CHL1: variants seen among roughly 807,000 people sequenced by gnomAD.
CHL1 encodes neural cell adhesion molecule L1-like protein.
A neutral mutation model predicts 141.9 loss-of-function variants in CHL1; 96 were observed. The ratio of observed to expected loss-of-function variants is 0.68; its 90% CI spans 0.57 to 0.80. CHL1 has a LOEUF of 0.80. CHL1 is among the 30% of genes least tolerant of loss of function. The probability of loss-of-function intolerance (pLI) is 0.00; values close to 1 mark genes in which losing one functional copy is unlikely to be tolerated. For missense variants in CHL1, 1,820 were observed against 1,457.2 expected (o/e 1.25, Z -4.05); for synonymous variants, 613 against 502.2 (o/e 1.22, Z -2.95).
At chr3:226,492 G>A (rs540874534) in intron 1 of CHL1, among the ~76,000 whole-genome samples, 63 of 150,026 alleles carry the variant, frequency 4.2e-4, no homozygotes, top group African/African-American at 1.5e-3. Context: ...CCCAGGCTGG[G>A]GTGCAATGGC....
chr3:366,227 T>G, intron 15 of CHL1, 112 bp downstream of exon 15: 1 of 1,008,318 alleles, frequency 9.9e-7, no homozygotes, highest in Admixed American at 2.3e-5. Flanking sequence ...TCCCAGCACT[T>G]TGGGAGACCG....
chr3:289,931 C>CTT (rs769872997), intron 2 of CHL1, among the ~76,000 whole-genome samples: 15,830 of 102,674 alleles, frequency 0.15, 2,680 homozygotes, highest in African/African-American at 0.35. Flanking sequence ...CCACTGGTAT[C>CTT]TTTTTTTTTT....
rs546299124 is a variant in CHL1, at chr3:209,572, G to C, written c.-175+12509G>C. On this transcript the variant is annotated intron_variant, in intron 1 of 27. Coordinates refer to ENST00000256509, the MANE Select transcript of CHL1 (RefSeq NM_006614.4). ...TTAACAGAACCCTAATCTTTTTTTT[G>C]TCATTATTATACTTCAAGTTTTAGG... 1.4e-3 allele frequency among the ~76,000 whole-genome samples: 215 copies of C among 151,588 alleles called. 1 individual carries two copies. Among genetic ancestry groups the C allele is most frequent in the African/African-American group, 4.8e-3 (199 of 41,364 alleles).
Position 252,361 on chromosome 3 carries a change from GATATATATATATATATATATAT to G in CHL1, c.-95+7688_-95+7709del, listed in dbSNP as rs71058760. On this transcript the variant is annotated intron_variant, in intron 2 of 27. Coordinates refer to ENST00000256509, the MANE Select transcript of CHL1 (RefSeq NM_006614.4). ...AGCCACAGATTTAAGAAAGCATCCA[GATATATATATATATATATATAT>G]ATATATATATATATATATTTCTATT... is the stretch of plus-strand genomic sequence containing the variant. 1.5e-3 allele frequency among the ~76,000 whole-genome samples: 82 copies of G among 54,294 alleles called. 1 individual carries two copies. The highest frequency in any genetic ancestry group is 2.2e-3 in the Non-Finnish European group (66 of 30,644). The allele number at this position is 54,294 out of a possible 152,430, so 35.6% of individuals were successfully genotyped here.
intron 2 of CHL1, among the ~76,000 whole-genome samples, chr3:314,213 A>C (rs1451790481): frequency 6.6e-6 from 1 of 151,314 alleles, no homozygotes; most frequent in Non-Finnish European, 1.5e-5. Flanking sequence ...CCAAAGACTG[A>C]ATAAACATTA....
chr3:333,133 A>ATTTTTTTTTTTTTTTTTTTTTTTTT (rs58730049), intron 5 of CHL1, among the ~76,000 whole-genome samples: 1 of 99,478 alleles, frequency 1.0e-5, no homozygotes, highest in Non-Finnish European at 1.9e-5. Flanking sequence ...TATTTTTTTT[A>ATTTTTTTTTTTTTTTTTTTTTTTTT]TTTTTTTTTT....
rs146408628 is a variant in CHL1, at chr3:340,864, A to T, written c.456A>T (p.Pro152=). 35 of 1,612,560 alleles carry T rather than the reference A, an allele frequency of 2.2e-5. No homozygotes were observed. The African/African-American group carries it at 4.7e-4, about 22-fold the overall frequency. The change falls in exon 6 of 28, where the codon CCA becomes CCT. Residue 152 remains proline (P), a synonymous_variant. Coordinates refer to ENST00000256509, the MANE Select transcript of CHL1 (RefSeq NM_006614.4). ...AGGAGGGAGATCCAATTGTCCTCCC[A>T]TGCAATCCTCCCAAAGGCCTCCCAC... ...EVEEGDPIVL[P]CNPPKGLPPL...
At chr3:228,769 T>A (rs1009478272) in intron 1 of CHL1, among the ~76,000 whole-genome samples, 1 of 152,300 alleles carries the variant, frequency 6.6e-6, no homozygotes, top group East Asian at 1.9e-4. Context: ...GATTTCTAAA[T>A]CCTCTACTTT....
chr3:342,190 G>T (rs1019207988), intron 7 of CHL1, 108 bp downstream of exon 7: 6 of 970,244 alleles, frequency 6.2e-6, no homozygotes, highest in African/African-American at 4.9e-5. Context: ...TTGCACCATT[G>T]TGCAGTTCAA....
intron 2 of CHL1, among the ~76,000 whole-genome samples, chr3:294,312 C>A (rs1024847174): frequency 6.6e-6 from 1 of 152,094 alleles, no homozygotes; most frequent in African/African-American, 2.4e-5. Context: ...GAGCAAGACT[C>A]TTGTCTCAAA....
intron 3 of CHL1, among the ~76,000 whole-genome samples, chr3:320,682 A>G (rs1464586485): frequency 3.3e-5 from 5 of 152,028 alleles, no homozygotes. Context: ...TGGACAATAT[A>G]GTGAGACTTT....
chr3:397,343 A>G (rs1042553444), intron 24 of CHL1, among the ~76,000 whole-genome samples: 2 of 152,076 alleles, frequency 1.3e-5, no homozygotes, highest in African/African-American at 4.8e-5. Flanking sequence ...TAACTATATA[A>G]TTAATTTTTA....
intron 19 of CHL1, 111 bp downstream of exon 19, chr3:383,997 T>G: frequency 1.5e-6 from 1 of 671,230 alleles, no homozygotes; most frequent in South Asian, 2.3e-5. Flanking sequence ...AAGATAAGAT[T>G]TGGAAATGAA....
chr3:271,569 G>C (rs539475283), intron 2 of CHL1, among the ~76,000 whole-genome samples: 2 of 152,192 alleles, frequency 1.3e-5, no homozygotes, highest in Non-Finnish European at 2.9e-5. Context: ...AAGAAGATTT[G>C]TATATTGGAA....
chr3:208,602 A>G (rs570332763), intron 1 of CHL1, among the ~76,000 whole-genome samples: 16 of 152,284 alleles, frequency 1.1e-4, no homozygotes, highest in Admixed American at 5.2e-4. Context: ...ATTGTGGTTT[A>G]TTATCTTTGA....
chr3:284,405 C>G (rs1422517024), intron 2 of CHL1, among the ~76,000 whole-genome samples: 4 of 152,206 alleles, frequency 2.6e-5, no homozygotes, highest in Non-Finnish European at 5.9e-5. Flanking sequence ...TATCAACTTG[C>G]TTCTCTACCC....
intron 1 of CHL1, among the ~76,000 whole-genome samples, chr3:222,019 A>T (rs191841836): frequency 6.6e-6 from 1 of 152,238 alleles, no homozygotes; most frequent in African/African-American, 2.4e-5. Context: ...TAAAGGCAGC[A>T]TATATTTTGT....
In CHL1 at chr3:353,354, GA is replaced by G. The variant is rs1254323452; in HGVS notation, c.1034-1279del. ...TATATTGGTTGTATTAAAATAACCA[GA>G]AAAAAAGTAAGGATATCATTAAAAA... is the stretch of plus-strand genomic sequence containing the variant. On this transcript the variant is annotated intron_variant, in intron 10 of 27. Coordinates refer to ENST00000256509, the MANE Select transcript of CHL1 (RefSeq NM_006614.4). Among the ~76,000 whole-genome samples, 8 of 151,726 alleles carry G rather than the reference GA, an allele frequency of 5.3e-5. 1 individual carries two copies. The highest frequency in any genetic ancestry group is 3.9e-4 in the East Asian group (2 of 5,166).
intron 2 of CHL1, among the ~76,000 whole-genome samples, chr3:282,195 T>G (rs1317181962): frequency 6.6e-6 from 1 of 152,202 alleles, no homozygotes; most frequent in Non-Finnish European, 1.5e-5. Context: ...ATTAGCATTT[T>G]ACTAAAATAA....
Sources: allele counts gnomAD v4.1 joint callset (sites outside exome capture counted in the v4.1 genomes callset), GRCh38; gene constraint gnomAD v4.1.1; transcripts MANE v1.5; gene names NCBI Gene and HGNC (gene_info 2026-07-23, HGNC 2026-07-21).